Variants in DPP6 observed in about 807,000 individuals in gnomAD.
DPP6 encodes dipeptidyl peptidase like 6.
DPP6 carries 69 observed loss-of-function variants against 122.6 expected under a neutral mutation model. That is an observed-to-expected ratio of 0.56 (90% CI 0.46 to 0.69). The LOEUF (loss-of-function observed/expected upper bound fraction) is 0.69. Among genes scored for constraint, DPP6 ranks in the 30% least tolerant of loss-of-function variants. DPP6 has a pLI of 0.00. For synonymous variants in DPP6, 418 were observed against 433.1 expected, an observed-to-expected ratio of 0.97 and a Z score of 0.43; for missense variants, 928 against 1,116.9, an observed-to-expected ratio of 0.83 and a Z score of 2.41.
intron 1 of DPP6, among the ~76,000 whole-genome samples, chr7:154,402,290 C>T (rs1285363152): frequency 4.6e-5 from 7 of 152,002 alleles, no homozygotes; most frequent in Admixed American, 2.6e-4. Flanking sequence ...TATAAAGACA[C>T]ATGCACACGT....
the DPP6 span, among the ~76,000 whole-genome samples, chr7:153,787,710 T>C: frequency 6.6e-6 from 1 of 150,640 alleles, no homozygotes; most frequent in African/African-American, 2.4e-5. Flanking sequence ...GTTAAGGCTG[T>C]AGTGAGTCAT....
At chr7:154,886,730 G>A (rs532656686) in intron 22 of DPP6, among the ~76,000 whole-genome samples, 6 of 152,294 alleles carry the variant, frequency 3.9e-5, no homozygotes, top group South Asian at 2.1e-4. Context: ...GGAGGAACGA[G>A]TCCAGCCCCC....
chr7:154,858,854 G>A (rs965712900), intron 17 of DPP6, among the ~76,000 whole-genome samples: 5 of 152,164 alleles, frequency 3.3e-5, no homozygotes, highest in African/African-American at 9.7e-5. Context: ...ATTCTCTTTT[G>A]AATGTAATCG....
intron 22 of DPP6, among the ~76,000 whole-genome samples, chr7:154,886,940 G>A (rs538748577): frequency 2.6e-5 from 4 of 152,368 alleles, no homozygotes; most frequent in Admixed American, 2.0e-4. Context: ...CATGTAAGAG[G>A]AATCTTCCCT....
At chr7:154,713,167 C>T (rs1586939264) in intron 7 of DPP6, among the ~76,000 whole-genome samples, 1 of 152,364 alleles carries the variant, frequency 6.6e-6, no homozygotes, top group Non-Finnish European at 1.5e-5. Flanking sequence ...CTAGGTCATG[C>T]TGATGCAACA....
rs945680163 is a variant in DPP6, at chr7:154,833,938, C to T, written c.1667-19842C>T. Among the ~76,000 whole-genome samples, 2 of 152,088 alleles carry T rather than the reference C, an allele frequency of 1.3e-5. No homozygotes were observed. The highest frequency in any genetic ancestry group is 2.9e-5 in the Non-Finnish European group (2 of 68,020). Reference sequence around the variant, plus strand: ...AGGCCTGGATGGTCCCGGGGCTGCACGGATGTAGCTCATCTTCACGCAGAC... The same window carrying T: ...AGGCCTGGATGGTCCCGGGGCTGCATGGATGTAGCTCATCTTCACGCAGAC... On this transcript the variant is annotated intron_variant, in intron 16 of 25. Coordinates refer to ENST00000377770, the MANE Select transcript of DPP6 (RefSeq NM_130797.4). This position sits in a 1 kb window ranked among gnomAD's most constrained non-coding sequence, Gnocchi z 4.3.
At chr7:154,728,624 T>G (rs1842187136) in intron 8 of DPP6, among the ~76,000 whole-genome samples, 1 of 152,214 alleles carries the variant, frequency 6.6e-6, no homozygotes, top group Non-Finnish European at 1.5e-5. Flanking sequence ...TTGTTCAGGC[T>G]GCTGTAACAA....
intron 7 of DPP6, among the ~76,000 whole-genome samples, chr7:154,711,939 T>TACACACACACACACACACACAC (rs57187871): frequency 1.3e-4 from 8 of 63,766 alleles, no homozygotes; most frequent in African/African-American, 2.9e-4. Flanking sequence ...TGTCACTTAA[T>TACACACACACACACACACACAC]ACACACACAC....
intron 1 of DPP6, among the ~76,000 whole-genome samples, chr7:154,336,567 G>T (rs748291527): frequency 6.6e-6 from 1 of 152,148 alleles, no homozygotes; most frequent in Non-Finnish European, 1.5e-5. Context: ...GGAACGTAAC[G>T]CCCACTTCAC....
intron 1 of DPP6, among the ~76,000 whole-genome samples, chr7:154,223,653 T>A (rs1339496914): frequency 6.7e-6 from 1 of 149,070 alleles, no homozygotes; most frequent in Admixed American, 6.6e-5. Context: ...TGTGGCCAAG[T>A]CCTGTTGGGC....
At chr7:154,154,202 T>C (rs1229312578) in intron 1 of DPP6, among the ~76,000 whole-genome samples, 3 of 152,240 alleles carry the variant, frequency 2.0e-5, no homozygotes, top group Non-Finnish European at 4.4e-5. Flanking sequence ...CTATTCCTTA[T>C]ATTGTGGAAA....
intron 1 of DPP6, among the ~76,000 whole-genome samples, chr7:153,932,114 A>T (rs1192844147): frequency 2.3e-5 from 3 of 131,210 alleles, no homozygotes; most frequent in African/African-American, 8.5e-5. Flanking sequence ...TTGATTTATC[A>T]TTTTGTGCCT....
intron 7 of DPP6, among the ~76,000 whole-genome samples, chr7:154,721,439 T>C (rs1436855376): frequency 6.6e-6 from 1 of 152,170 alleles, no homozygotes; most frequent in Non-Finnish European, 1.5e-5. Flanking sequence ...TTTTTAAAGA[T>C]TAAGCGAGTT....
At chr7:154,703,142 C>G (rs1840619510) in intron 7 of DPP6, among the ~76,000 whole-genome samples, 2 of 152,230 alleles carry the variant, frequency 1.3e-5, no homozygotes, top group Non-Finnish European at 2.9e-5. Flanking sequence ...TTGAGACCTA[C>G]TGCTCAGAAA....
At chr7:154,351,935 G>T (rs1262652266) in intron 1 of DPP6, among the ~76,000 whole-genome samples, 1 of 152,150 alleles carries the variant, frequency 6.6e-6, no homozygotes, top group Non-Finnish European at 1.5e-5. Flanking sequence ...CCCTCTGGAA[G>T]GTGGGAGTGA....
At chr7:154,676,708 T>C (rs1025998001) in intron 7 of DPP6, among the ~76,000 whole-genome samples, 2 of 152,154 alleles carry the variant, frequency 1.3e-5, no homozygotes, top group African/African-American at 4.8e-5. Flanking sequence ...CAGGAGGGTG[T>C]TTATTTTAAG....
chr7:154,226,611 T>C (rs1760966922), intron 1 of DPP6, among the ~76,000 whole-genome samples: 1 of 152,198 alleles, frequency 6.6e-6, no homozygotes, highest in Admixed American at 6.5e-5. Context: ...CCAGAATATG[T>C]GACAGTGGAC....
intron 1 of DPP6, among the ~76,000 whole-genome samples, chr7:153,949,341 A>T (rs1445239276): frequency 1.3e-5 from 2 of 152,202 alleles, no homozygotes; most frequent in Admixed American, 6.5e-5. Flanking sequence ...CAGACCTCAC[A>T]GAGCCCAGCC....
intron 1 of DPP6, among the ~76,000 whole-genome samples, chr7:154,443,356 G>GA (rs11304026): frequency 1.4e-3 from 208 of 148,870 alleles, no homozygotes; most frequent in South Asian, 7.1e-3. Context: ...GAAAAAAAAT[G>GA]AAAAAAAAAA....
Sources: allele counts gnomAD v4.1 joint callset (sites outside exome capture counted in the v4.1 genomes callset), GRCh38; gene constraint gnomAD v4.1.1; non-coding constraint Gnocchi (gnomAD v3.1); transcripts MANE v1.5; gene names NCBI Gene and HGNC (gene_info 2026-07-23, HGNC 2026-07-21).